Variants in SNTG1 observed in about 807,000 individuals in gnomAD.
SNTG1 encodes syntrophin gamma 1.
Under a neutral mutation model 74.7 loss-of-function variants are expected in SNTG1, and 39 were observed. The ratio of observed to expected loss-of-function variants is 0.52; its 90% CI spans 0.40 to 0.68. The LOEUF (loss-of-function observed/expected upper bound fraction) is 0.68, where lower values mean the gene tolerates loss of function less well. Ranked by LOEUF, SNTG1 falls within the 30% of genes least tolerant of loss-of-function variation. The probability of loss-of-function intolerance (pLI) is 0.00; values close to 1 mark genes in which losing one functional copy is unlikely to be tolerated. For synonymous variants in SNTG1, 254 were observed against 217.1 expected (o/e 1.17, Z -1.49); for missense variants, 685 against 609.5 (o/e 1.12, Z -1.30).
chr8:50,592,742 T>G (rs1200201831), intron 13 of SNTG1, among the ~76,000 whole-genome samples: 1 of 152,216 alleles, frequency 6.6e-6, no homozygotes, highest in African/African-American at 2.4e-5. Context: ...AATTATATAA[T>G]TCAAAACTAT....
chr8:50,521,227 A>G (rs1293476857), intron 9 of SNTG1, among the ~76,000 whole-genome samples: 3 of 152,080 alleles, frequency 2.0e-5, no homozygotes, highest in Non-Finnish European at 4.4e-5. Flanking sequence ...TTGAGAACAC[A>G]TGGACATAGG....
intron 2 of SNTG1, among the ~76,000 whole-genome samples, chr8:50,196,323 C>A (rs781746470): frequency 1.7e-4 from 26 of 152,094 alleles, no homozygotes; most frequent in Non-Finnish European, 3.2e-4. Context: ...TCAGAATTAA[C>A]AAGTACATGA....
intron 12 of SNTG1, among the ~76,000 whole-genome samples, chr8:50,554,299 G>T (rs574877459): frequency 6.6e-6 from 1 of 151,998 alleles, no homozygotes; most frequent in Non-Finnish European, 1.5e-5. Context: ...ATATGTGCAT[G>T]GTCAATTTTA....
chr8:50,614,944 C>CT lies in SNTG1; in HGVS notation c.849+24043dup, dbSNP rs1217362389. Among the ~76,000 whole-genome samples the CT allele has an allele frequency of 5.8e-3, 786 of 136,670 alleles. 2 individuals carry two copies. The highest frequency in any genetic ancestry group is 7.1e-3 in the African/African-American group (266 of 37,682). The allele number at this position is 136,670 out of a possible 152,430, so 89.7% of individuals were successfully genotyped here. A position where few individuals can be genotyped will look rare whatever the true frequency, so the allele number is the denominator to read the frequency against. ...CAGGGGTTTCAAGAAGTAGTTTTTT[C>CT]TTTTTTTTTTTTTTTTGAGACGGAG... On this transcript the variant is annotated intron_variant, in intron 13 of 18. Transcript: ENST00000642720.
At chr8:50,050,702 C>T (rs1819496168) in intron 1 of SNTG1, among the ~76,000 whole-genome samples, 1 of 151,882 alleles carries the variant, frequency 6.6e-6, no homozygotes, top group Admixed American at 6.6e-5. Flanking sequence ...ACAATATTAC[C>T]TTGCTATAAA....
chr8:50,530,343 C>A, intron 10 of SNTG1, 84 bp downstream of exon 10: 1 of 1,256,876 alleles, frequency 8.0e-7, no homozygotes, highest in Non-Finnish European at 1.2e-6. Context: ...ATTTATCTGA[C>A]AGATAGGAAA....
chr8:50,679,372 C>CG (rs1416191426), intron 15 of SNTG1, among the ~76,000 whole-genome samples: 5 of 152,040 alleles, frequency 3.3e-5, no homozygotes, highest in African/African-American at 1.2e-4. Context: ...CAATTAATAT[C>CG]AACAATATCT....
chr8:50,741,782 T>A (rs780387970), intron 17 of SNTG1, among the ~76,000 whole-genome samples: 1 of 152,010 alleles, frequency 6.6e-6, no homozygotes, highest in African/African-American at 2.4e-5. Flanking sequence ...TTATATACTG[T>A]ATGATTCCAA....
At chr8:50,595,997 G>A (rs1424296608) in intron 13 of SNTG1, among the ~76,000 whole-genome samples, 2 of 151,888 alleles carry the variant, frequency 1.3e-5, no homozygotes, top group African/African-American at 4.8e-5. Context: ...TCCTAGTAGT[G>A]TAATAACTCA....
chr8:50,432,721 T>C (rs777896374), intron 4 of SNTG1, among the ~76,000 whole-genome samples: 2 of 152,010 alleles, frequency 1.3e-5, no homozygotes, highest in African/African-American at 2.4e-5. Flanking sequence ...TAAATCCTAT[T>C]AGTATTATGT....
At chr8:50,738,254 A>G (rs1425484146) in intron 17 of SNTG1, among the ~76,000 whole-genome samples, 3 of 152,186 alleles carry the variant, frequency 2.0e-5, no homozygotes, top group Middle Eastern at 3.2e-3. Context: ...AAGCTTTCCT[A>G]TACACCAATA....
intron 2 of SNTG1, among the ~76,000 whole-genome samples, chr8:50,352,709 T>A (rs1035579654): frequency 2.6e-5 from 4 of 152,166 alleles, no homozygotes; most frequent in Admixed American, 1.3e-4. Flanking sequence ...CTGGTAATTA[T>A]TCAGTATAGA....
intron 1 of SNTG1, among the ~76,000 whole-genome samples, chr8:49,966,466 C>T (rs1367927786): frequency 2.0e-5 from 3 of 151,450 alleles, no homozygotes; most frequent in Admixed American, 2.0e-4. Context: ...GCAATCTCTG[C>T]TCACTGCAAC....
chr8:50,574,250 T>G (rs1356793541), intron 12 of SNTG1, among the ~76,000 whole-genome samples: 1 of 152,116 alleles, frequency 6.6e-6, no homozygotes, highest in Non-Finnish European at 1.5e-5. Flanking sequence ...ATGAAGATTA[T>G]TTTCATCTTG....
At chr8:50,322,954 T>C (rs1270901404) in intron 2 of SNTG1, among the ~76,000 whole-genome samples, 1 of 151,534 alleles carries the variant, frequency 6.6e-6, no homozygotes, top group Non-Finnish European at 1.5e-5. Flanking sequence ...CATCTCTACT[T>C]AAAATACAAA....
At chr8:50,654,112 A>C (rs914498508) in intron 13 of SNTG1, among the ~76,000 whole-genome samples, 1 of 151,800 alleles carries the variant, frequency 6.6e-6, no homozygotes, top group African/African-American at 2.4e-5. Context: ...CTGTGTATTG[A>C]CTTCTTTTTA....
intron 1 of SNTG1, among the ~76,000 whole-genome samples, chr8:50,023,670 G>T (rs1721525329): frequency 6.6e-6 from 1 of 151,998 alleles, no homozygotes; most frequent in Admixed American, 6.6e-5. Flanking sequence ...CTCTTTCCTG[G>T]TCTTTTACAA....
intron 1 of SNTG1, among the ~76,000 whole-genome samples, chr8:49,981,414 T>C (rs1812667627): frequency 7.6e-6 from 1 of 132,182 alleles, no homozygotes; most frequent in Non-Finnish European, 1.6e-5. Flanking sequence ...GTTTCCTTTA[T>C]CTTGGAGGCA....
intron 2 of SNTG1, among the ~76,000 whole-genome samples, chr8:50,226,518 C>T (rs971840036): frequency 6.6e-6 from 1 of 152,176 alleles, no homozygotes; most frequent in East Asian, 1.9e-4. Context: ...TCTCTAAGGG[C>T]AGCCACTATA....
Sources: allele counts gnomAD v4.1 joint callset (sites outside exome capture counted in the v4.1 genomes callset), GRCh38; gene constraint gnomAD v4.1.1; transcripts MANE v1.5; gene names NCBI Gene and HGNC (gene_info 2026-07-23, HGNC 2026-07-21).